The following CCBE1 variants were observed in gnomAD, a reference collection of about 807,000 sequenced individuals.
CCBE1 encodes the protein collagen and calcium binding EGF domains 1.
A neutral mutation model predicts 50.0 loss-of-function variants in CCBE1; 37 were observed. The observed-to-expected ratio is 0.74, with a 90% CI of 0.57 to 0.97. The LOEUF (loss-of-function observed/expected upper bound fraction) is 0.97. Ranked by LOEUF, CCBE1 falls within the 50% of genes least tolerant of loss-of-function variation. The pLI is 0.00. For missense variants in CCBE1, 538 were observed against 523.8 expected, an observed-to-expected ratio of 1.03 and a Z score of -0.26; for synonymous variants, 234 against 203.7, an observed-to-expected ratio of 1.15 and a Z score of -1.27.
intron 2 of CCBE1, among the ~76,000 whole-genome samples, chr18:59,681,340 C>T (rs1158882968): frequency 6.6e-6 from 1 of 152,142 alleles, no homozygotes. Flanking sequence ...TAATAGAAAC[C>T]TTAGTAAATA....
rs10676136 is a variant in CCBE1 at position 59,581,439 on chromosome 18, C to CAAA, written c.213-101204_213-101202dup. Among the ~76,000 whole-genome samples, 486 of 133,282 alleles carry CAAA rather than the reference C, an allele frequency of 3.6e-3. 1 individual carries two copies. The highest frequency in any genetic ancestry group is 4.7e-3 in the Non-Finnish European group (289 of 61,340). The allele number at this position is 133,282 out of a possible 152,430, so 87.4% of individuals were successfully genotyped here. ...CTGGTGACAGAATGAGACTCCATCT[C>CAAA]AAAAAAAAAAAAAGCCCCAAAATAA... On this transcript the variant is annotated intron_variant, in intron 2 of 10. Transcript: ENST00000439986.
At chr18:59,469,826 C>T (rs1434322162) in intron 3 of CCBE1, among the ~76,000 whole-genome samples, 3 of 152,158 alleles carry the variant, frequency 2.0e-5, no homozygotes, top group African/African-American at 7.2e-5. Flanking sequence ...CGTGATTTTT[C>T]CCCTAGGTCA....
Position 59,697,420 on chromosome 18 carries a change from C to T in CCBE1, c.-78G>A. 1 of 1,499,320 alleles carries T rather than the reference C, an allele frequency of 6.7e-7. No individual in the cohort carries two copies. The highest frequency in any genetic ancestry group is 8.9e-7 in the Non-Finnish European group (1 of 1,126,638). 92.9% of individuals were successfully genotyped at this position (1,499,320 alleles called of 1,614,324 possible). On this transcript the variant is annotated 5_prime_UTR_variant, in exon 1 of 11. Coordinates refer to ENST00000439986, the MANE Select transcript of CCBE1 (RefSeq NM_133459.4). Reference sequence around the variant, plus strand: ...CCTGCTCCTCCGCGGCCGCCGCCGCCTTCCCTCTTCCCGGCAGGGGGCGCC... The same window carrying T: ...CCTGCTCCTCCGCGGCCGCCGCCGCTTTCCCTCTTCCCGGCAGGGGGCGCC...
At chr18:59,519,588 T>G (rs1002317843) in intron 2 of CCBE1, among the ~76,000 whole-genome samples, 3 of 152,250 alleles carry the variant, frequency 2.0e-5, no homozygotes, top group African/African-American at 7.2e-5. Context: ...GTCAGATGAA[T>G]AGATTGCAGA....
chr18:59,635,737 T>G (rs181525851), intron 2 of CCBE1, among the ~76,000 whole-genome samples: 1 of 142,360 alleles, frequency 7.0e-6, no homozygotes, highest in Non-Finnish European at 1.5e-5. Flanking sequence ...ATTTTTAGAT[T>G]AAAAAAAAAA....
rs1324351845 is a variant in CCBE1, at chr18:59,434,114, T to A, written c.*1794A>T. The A allele has an allele frequency of 6.6e-6, 1 of 152,036 alleles. No individual in the cohort carries two copies. The highest frequency in any genetic ancestry group is 1.9e-4 in the East Asian group (1 of 5,170). The allele number at this position is 152,036 out of a possible 1,614,324, so 9.4% of individuals were successfully genotyped here. ...CATGTTGGTCAGGCTGGTCTCGATC[T>A]CCTGACCTTGTGATCTCCCCGCCTC... On this transcript the variant is annotated 3_prime_UTR_variant, in exon 11 of 11. Coordinates refer to ENST00000439986, the MANE Select transcript of CCBE1 (RefSeq NM_133459.4).
chr18:59,510,543 T>A (rs889999327), intron 2 of CCBE1, among the ~76,000 whole-genome samples: 1 of 152,088 alleles, frequency 6.6e-6, no homozygotes, highest in Non-Finnish European at 1.5e-5. Flanking sequence ...TGTCTCAGCG[T>A]CTCAAGTAGC....
intron 2 of CCBE1, among the ~76,000 whole-genome samples, chr18:59,611,075 G>C (rs7230920): frequency 3.3e-5 from 5 of 152,044 alleles, no homozygotes; most frequent in African/African-American, 1.2e-4. Context: ...AACAGCATGC[G>C]TTGCTTTCAA....
chr18:59,511,654 G>C (rs1914137479), intron 2 of CCBE1, among the ~76,000 whole-genome samples: 1 of 152,138 alleles, frequency 6.6e-6, no homozygotes. Flanking sequence ...ATGTACAATC[G>C]ATTATTGCTA....
In CCBE1 at chr18:59,647,604, C is replaced by T. The variant is rs142203256; in HGVS notation, c.212+49025G>A. Among the ~76,000 whole-genome samples, 39 of 152,106 alleles carry T rather than the reference C, an allele frequency of 2.6e-4. 1 individual carries two copies. In the East Asian group the frequency reaches 6.2e-3, roughly 24 times the overall value. On this transcript the variant is annotated intron_variant, in intron 2 of 10. Coordinates refer to ENST00000439986, the MANE Select transcript of CCBE1 (RefSeq NM_133459.4). ...TTCAAAAAGAATATTCTGTCTAGTT[C>T]GTATAATACAGTCTACAGTCAAAGG...
chr18:59,608,756 T>C (rs2053533331), intron 2 of CCBE1, among the ~76,000 whole-genome samples: 1 of 152,238 alleles, frequency 6.6e-6, no homozygotes, highest in South Asian at 2.1e-4. Context: ...TCTTTCCCTT[T>C]AGCACATGAA....
At chr18:59,624,833 G>A (rs1195164485) in intron 2 of CCBE1, among the ~76,000 whole-genome samples, 1 of 152,082 alleles carries the variant, frequency 6.6e-6, no homozygotes, top group African/African-American at 2.4e-5. Flanking sequence ...TAACCACCTG[G>A]GCTGTTTCTT....
intron 6 of CCBE1, among the ~76,000 whole-genome samples, chr18:59,448,809 G>A (rs1306456111): frequency 1.3e-5 from 2 of 152,168 alleles, no homozygotes; most frequent in Non-Finnish European, 2.9e-5. Flanking sequence ...TCAAAATCTT[G>A]TGCAATCTGA....
At chr18:59,481,798 T>G (rs1252632115) in intron 2 of CCBE1, among the ~76,000 whole-genome samples, 1 of 152,186 alleles carries the variant, frequency 6.6e-6, no homozygotes, top group African/African-American at 2.4e-5. Context: ...AGACCTGTGT[T>G]AAAGGGAGTT....
chr18:59,648,975 A>G (rs565555836), intron 2 of CCBE1, among the ~76,000 whole-genome samples: 23 of 152,324 alleles, frequency 1.5e-4, no homozygotes, highest in Non-Finnish European at 2.6e-4. Context: ...ATACATCTAC[A>G]TCTGATCCCT....
At chr18:59,591,933 C>A (rs2053276541) in intron 2 of CCBE1, among the ~76,000 whole-genome samples, 1 of 152,170 alleles carries the variant, frequency 6.6e-6, no homozygotes, top group Non-Finnish European at 1.5e-5. Flanking sequence ...ACCAAAAATG[C>A]AAAATGCTCC....
intron 2 of CCBE1, among the ~76,000 whole-genome samples, chr18:59,512,644 C>A (rs749814355): frequency 3.4e-4 from 51 of 152,208 alleles, no homozygotes; most frequent in Non-Finnish European, 5.7e-4. Context: ...CAGGAAAGAC[C>A]CCATAGTGGG....
At chr18:59,446,547 C>T (rs1164244908) in intron 7 of CCBE1, among the ~76,000 whole-genome samples, 3 of 152,158 alleles carry the variant, frequency 2.0e-5, no homozygotes, top group Admixed American at 1.3e-4. Flanking sequence ...TCTGGATGGA[C>T]GGAGACTCAG....
chr18:59,600,548 G>A (rs2053415162), intron 2 of CCBE1, among the ~76,000 whole-genome samples: 1 of 152,096 alleles, frequency 6.6e-6, no homozygotes, highest in Non-Finnish European at 1.5e-5. Flanking sequence ...AAAGGTTGGG[G>A]ACCACCACTT....
Sources: allele counts gnomAD v4.1 joint callset (sites outside exome capture counted in the v4.1 genomes callset), GRCh38; gene constraint gnomAD v4.1.1; transcripts MANE v1.5; gene names NCBI Gene and HGNC (gene_info 2026-07-23, HGNC 2026-07-21).